The following MACROD2 variants were observed in gnomAD, a reference collection of about 807,000 sequenced individuals.
MACROD2 encodes the protein mono-ADP ribosylhydrolase 2.
MACROD2 carries 36 observed loss-of-function variants against 70.4 expected under a neutral mutation model. That is an observed-to-expected ratio of 0.51 (90% CI 0.39 to 0.68). The LOEUF is 0.68. MACROD2 is among the 30% of genes least tolerant of loss of function. MACROD2 has a pLI of 0.00. For missense variants in MACROD2, 496 were observed against 538.4 expected, an observed-to-expected ratio of 0.92 and a Z score of 0.78; for synonymous variants, 172 against 178.8, an observed-to-expected ratio of 0.96 and a Z score of 0.30.
intron 4 of MACROD2, among the ~76,000 whole-genome samples, chr20:14,584,939 T>A (rs891445572): frequency 6.6e-6 from 1 of 152,194 alleles, no homozygotes; most frequent in African/African-American, 2.4e-5. Flanking sequence ...TTCTTCTAAC[T>A]CTAGAATTGT....
intron 6 of MACROD2, among the ~76,000 whole-genome samples, chr20:15,323,700 C>T (rs1220738807): frequency 8.5e-5 from 13 of 152,136 alleles, no homozygotes; most frequent in African/African-American, 3.1e-4. Context: ...CTGGTTGATT[C>T]TACTTCTTGT....
chr20:15,716,023 T>A (rs1230013062), intron 8 of MACROD2, among the ~76,000 whole-genome samples: 1 of 152,206 alleles, frequency 6.6e-6, no homozygotes, highest in African/African-American at 2.4e-5. Context: ...CAAGGTGTTA[T>A]GGCATTTTAC....
At chr20:14,733,528 T>C (rs181094869) in intron 5 of MACROD2, among the ~76,000 whole-genome samples, 172 of 152,268 alleles carry the variant, frequency 1.1e-3, no homozygotes, top group Non-Finnish European at 1.9e-3. Flanking sequence ...GAGTAAGAAA[T>C]TGATAATGTA....
At chr20:15,375,283 G>T (rs1241909256) in intron 6 of MACROD2, among the ~76,000 whole-genome samples, 2 of 152,092 alleles carry the variant, frequency 1.3e-5, no homozygotes, top group African/African-American at 4.8e-5. Context: ...GAGATACCTG[G>T]AACTTGGAAC....
chr20:15,448,049 G>A (rs2046593125), intron 7 of MACROD2, among the ~76,000 whole-genome samples: 1 of 152,054 alleles, frequency 6.6e-6, no homozygotes, highest in East Asian at 1.9e-4. Context: ...AATGTTACAG[G>A]CTATGGAATT....
intron 3 of MACROD2, among the ~76,000 whole-genome samples, chr20:14,266,849 C>T (rs556696441): frequency 2.0e-4 from 31 of 152,052 alleles, no homozygotes; most frequent in African/African-American, 7.5e-4. Flanking sequence ...ATCAGGTCAC[C>T]CAGAAAGTGG....
At chr20:15,547,762 A>G (rs1279952885) in intron 8 of MACROD2, among the ~76,000 whole-genome samples, 1 of 152,220 alleles carries the variant, frequency 6.6e-6, no homozygotes, top group Non-Finnish European at 1.5e-5. Context: ...GCCACTGAGC[A>G]TGTAGCAGGA....
chr20:15,527,941 C>A (rs1005359223), intron 8 of MACROD2, among the ~76,000 whole-genome samples: 9 of 152,164 alleles, frequency 5.9e-5, no homozygotes, highest in African/African-American at 2.2e-4. Flanking sequence ...TGTTGCCTAA[C>A]AAGTTCCCAG....
chr20:14,057,607 C>T (rs1030315617), intron 2 of MACROD2, among the ~76,000 whole-genome samples: 2 of 152,158 alleles, frequency 1.3e-5, no homozygotes, highest in Non-Finnish European at 1.5e-5. Context: ...TTGTAAAAAT[C>T]ACTTCTGAAA....
intron 11 of MACROD2, 76 bp downstream of exon 11, chr20:15,933,414 T>C (rs541397707): frequency 7.4e-7 from 1 of 1,346,742 alleles, no homozygotes; most frequent in Admixed American, 1.9e-5. Context: ...TCAATGCTAT[T>C]GTCTGAAAAT....
chr20:15,740,927 C>G (rs6135490), intron 8 of MACROD2, among the ~76,000 whole-genome samples: 10,793 of 152,028 alleles, frequency 0.071, 706 homozygotes, highest in East Asian at 0.33. Flanking sequence ...TGTGCCATCT[C>G]TTTCCTCCCA....
intron 7 of MACROD2, among the ~76,000 whole-genome samples, chr20:15,450,018 A>T (rs1054802656): frequency 6.6e-6 from 1 of 152,082 alleles, no homozygotes; most frequent in African/African-American, 2.4e-5. Context: ...ACATATAAAA[A>T]TAAAATAAAC....
chr20:14,561,812 C>G (rs1979450940), intron 4 of MACROD2, among the ~76,000 whole-genome samples: 1 of 151,790 alleles, frequency 6.6e-6, no homozygotes. Context: ...TGCCTCTTCT[C>G]TATTACAGCT....
chr20:15,648,769 T>C (rs1309613758), intron 8 of MACROD2, among the ~76,000 whole-genome samples: 1 of 152,098 alleles, frequency 6.6e-6, no homozygotes, highest in African/African-American at 2.4e-5. Flanking sequence ...GTGACTCTTA[T>C]TAAACTTATC....
At chr20:14,530,452 A>G (rs1275969906) in intron 4 of MACROD2, among the ~76,000 whole-genome samples, 2 of 152,198 alleles carry the variant, frequency 1.3e-5, no homozygotes, top group African/African-American at 4.8e-5. Context: ...CAAATGGGGT[A>G]CTTTCTAAAG....
rs921508841 is a variant in MACROD2, at chr20:15,243,524, T to TAC, written c.540+13475_540+13476dup. On this transcript the variant is annotated intron_variant, in intron 6 of 17. Transcript: ENST00000684519. The stretch of plus-strand genomic sequence containing the variant: ...CATTTGCAGGAATAACACACACACA[T>TAC]ACACACACACACAGGTCAATATATG... Among the ~76,000 whole-genome samples, 21 of 151,684 alleles carry TAC rather than the reference T, an allele frequency of 1.4e-4. No individual in the cohort carries two copies. In the East Asian group the frequency reaches 2.5e-3, roughly 18 times the overall value.
chr20:14,538,194 G>C (rs2085389817), intron 4 of MACROD2, among the ~76,000 whole-genome samples: 1 of 152,152 alleles, frequency 6.6e-6, no homozygotes, highest in Non-Finnish European at 1.5e-5. Flanking sequence ...CCGTGGGAGG[G>C]GGTGGAGCAT....
At chr20:14,814,360 C>T (rs1002252411) in intron 5 of MACROD2, among the ~76,000 whole-genome samples, 1 of 151,972 alleles carries the variant, frequency 6.6e-6, no homozygotes, top group African/African-American at 2.4e-5. Context: ...CTTTTCATTG[C>T]TTGGCAACAG....
At chr20:14,104,111 A>T (rs1354479829) in intron 3 of MACROD2, among the ~76,000 whole-genome samples, 2 of 152,220 alleles carry the variant, frequency 1.3e-5, no homozygotes. Context: ...TCAAGGTGTA[A>T]GAGTATATAT....
Sources: allele counts gnomAD v4.1 joint callset (sites outside exome capture counted in the v4.1 genomes callset), GRCh38; gene constraint gnomAD v4.1.1; transcripts MANE v1.5; gene names NCBI Gene and HGNC (gene_info 2026-07-23, HGNC 2026-07-21).